The following PDE1C variants were observed in gnomAD, a reference collection of about 807,000 sequenced individuals.
The protein encoded by PDE1C is phosphodiesterase 1C, also known as dual specificity calcium/calmodulin-dependent 3',5'-cyclic nucleotide phosphodiesterase 1C.
PDE1C carries 62 observed loss-of-function variants against 93.1 expected under a neutral mutation model. The ratio of observed to expected loss-of-function variants is 0.67; its 90% CI spans 0.54 to 0.82. The LOEUF (loss-of-function observed/expected upper bound fraction) is 0.82. Ranked by LOEUF, PDE1C falls within the 40% of genes least tolerant of loss-of-function variation. The probability of loss-of-function intolerance (pLI) is 0.00; values close to 1 mark genes in which losing one functional copy is unlikely to be tolerated. For synonymous variants in PDE1C, 325 were observed against 310.1 expected (o/e 1.05, Z -0.50); for missense variants, 742 against 884.6 (o/e 0.84, Z 2.04).
chr7:32,344,949 G>A (rs1325548994), intron 1 of PDE1C, among the ~76,000 whole-genome samples: 4 of 152,050 alleles, frequency 2.6e-5, no homozygotes, highest in African/African-American at 9.7e-5. Context: ...TATGAGAATT[G>A]CATCTATCAT....
intron 1 of PDE1C, among the ~76,000 whole-genome samples, chr7:32,260,776 C>CT (rs34760066): frequency 0.12 from 17,822 of 152,274 alleles, 1,202 homozygotes; most frequent in African/African-American, 0.16. Context: ...AAAAGACCCC[C>CT]TTCTTGCCTG....
chr7:32,124,507 T>C (rs563383432), intron 3 of PDE1C, among the ~76,000 whole-genome samples: 1 of 152,104 alleles, frequency 6.6e-6, no homozygotes, highest in South Asian at 2.1e-4. Flanking sequence ...AAAACACACA[T>C]ATAGACCAAT....
At chr7:31,747,904 A>G (rs984989536), downstream of PDE1C, among the ~76,000 whole-genome samples, 8 of 151,604 alleles carry the variant, frequency 5.3e-5, no homozygotes, top group East Asian at 1.4e-3. Context: ...CTCTGGCCAT[A>G]TAACTCCTGA....
At chr7:31,927,602 C>G (rs922984845) in intron 2 of PDE1C, among the ~76,000 whole-genome samples, 1 of 152,206 alleles carries the variant, frequency 6.6e-6, no homozygotes, top group Non-Finnish European at 1.5e-5. Flanking sequence ...GAGGAAGAAG[C>G]AGGCAGCAAT....
chr7:32,193,421 C>G (rs1418785534), intron 2 of PDE1C, among the ~76,000 whole-genome samples: 3 of 152,120 alleles, frequency 2.0e-5, no homozygotes, highest in Non-Finnish European at 4.4e-5. Flanking sequence ...AATTTTTCTT[C>G]TTTAACCTAT....
chr7:32,273,747 A>G (rs1011622465), intron 1 of PDE1C, among the ~76,000 whole-genome samples: 2 of 152,200 alleles, frequency 1.3e-5, no homozygotes, highest in Non-Finnish European at 2.9e-5. Flanking sequence ...CATGATGCCA[A>G]CTGACTCATC....
At chr7:32,086,497 A>T (rs1177168902) in intron 3 of PDE1C, among the ~76,000 whole-genome samples, 2 of 152,152 alleles carry the variant, frequency 1.3e-5, no homozygotes, top group African/African-American at 2.4e-5. Context: ...AGAATTGGAA[A>T]AAACTACTTT....
At chr7:31,643,049 C>A in the PDE1C span, 4 of 1,613,964 alleles carry the variant, frequency 2.5e-6, no homozygotes, top group South Asian at 2.2e-5. Context: ...ACAGCCACTT[C>A]CAAATATGAT....
intron 1 of PDE1C, among the ~76,000 whole-genome samples, chr7:32,276,107 T>A (rs548309384): frequency 3.5e-4 from 53 of 152,364 alleles, no homozygotes; most frequent in African/African-American, 1.2e-3. Context: ...CTATTCCTGA[T>A]AATATCAACA....
chr7:32,169,648 C>A (rs1245129280), intron 3 of PDE1C: 4 of 745,512 alleles, frequency 5.4e-6, no homozygotes, highest in South Asian at 1.6e-5. Flanking sequence ...TGATTCCAAC[C>A]CTCCTTCATC....
the PDE1C span, among the ~76,000 whole-genome samples, chr7:31,711,360 T>C: frequency 4.6e-5 from 7 of 152,218 alleles, no homozygotes; most frequent in Non-Finnish European, 1.0e-4. Flanking sequence ...CTCAGTCTTT[T>C]TCCCATTTCA....
intron 1 of PDE1C, among the ~76,000 whole-genome samples, chr7:32,293,609 C>T (rs1406731239): frequency 1.3e-5 from 2 of 152,188 alleles, no homozygotes; most frequent in African/African-American, 4.8e-5. Flanking sequence ...GAAACAGAGG[C>T]TCAGAGATAA....
At chr7:31,921,915 T>A (rs1203515516) in intron 2 of PDE1C, among the ~76,000 whole-genome samples, 2 of 152,212 alleles carry the variant, frequency 1.3e-5, no homozygotes, top group African/African-American at 4.8e-5. Context: ...TACACTTAGC[T>A]CATTTAAGCT....
upstream of PDE1C, among the ~76,000 whole-genome samples, chr7:32,300,117 C>G (rs1293985295): frequency 6.6e-6 from 1 of 152,154 alleles, no homozygotes; most frequent in Non-Finnish European, 1.5e-5. Context: ...CACACAGACA[C>G]ACATGTACAA....
At chr7:31,627,018 A>C in the PDE1C span, among the ~76,000 whole-genome samples, 1 of 152,268 alleles carries the variant, frequency 6.6e-6, no homozygotes, top group African/African-American at 2.4e-5. Flanking sequence ...TGTCTAAAAC[A>C]CATATGTTGA....
the PDE1C span, among the ~76,000 whole-genome samples, chr7:31,684,303 G>A: frequency 6.6e-6 from 1 of 152,116 alleles, no homozygotes; most frequent in Non-Finnish European, 1.5e-5. Flanking sequence ...GAAATTAAGT[G>A]ACAAAAGGAT....
intron 2 of PDE1C, among the ~76,000 whole-genome samples, chr7:31,944,464 A>G (rs1488933333): frequency 5.3e-5 from 8 of 152,256 alleles, no homozygotes; most frequent in Non-Finnish European, 1.5e-5. Flanking sequence ...TCGGTTAGTA[A>G]TTGGCCCACC....
intron 1 of PDE1C, among the ~76,000 whole-genome samples, chr7:32,262,918 CT>C (rs754777588): frequency 6.6e-6 from 1 of 152,206 alleles, no homozygotes; most frequent in Non-Finnish European, 1.5e-5. Context: ...CACTTTAGTC[CT>C]CACTTACAAA....
At chr7:32,393,048 C>CAAA (rs35905868) in intron 1 of PDE1C, among the ~76,000 whole-genome samples, 797 of 48,232 alleles carry the variant, frequency 0.017, 134 homozygotes, top group Non-Finnish European at 0.02. Flanking sequence ...GACTCTGTCT[C>CAAA]AAAAAAAAAA....
Sources: allele counts gnomAD v4.1 joint callset (sites outside exome capture counted in the v4.1 genomes callset), GRCh38; gene constraint gnomAD v4.1.1; transcripts MANE v1.5; gene names NCBI Gene and HGNC (gene_info 2026-07-23, HGNC 2026-07-21).